Variants in ARHGAP20 observed in about 807,000 individuals in gnomAD.
The protein encoded by ARHGAP20 is Rho GTPase activating protein 20.
A neutral mutation model predicts 73.7 loss-of-function variants in ARHGAP20; 34 were observed. The observed-to-expected ratio is 0.46, with a 90% confidence interval of 0.35 to 0.61. The LOEUF (loss-of-function observed/expected upper bound fraction) is 0.61. ARHGAP20 is among the 20% of genes least tolerant of loss of function. The probability of loss-of-function intolerance (pLI) is 0.00; values close to 1 mark genes in which losing one functional copy is unlikely to be tolerated. For missense variants in ARHGAP20, 1,314 were observed against 1,420.9 expected (o/e 0.92, Z 1.21); for synonymous variants, 523 against 518.2 (o/e 1.01, Z -0.13).
chr11:110,635,547 T>A (rs1170086406), intron 2 of ARHGAP20, among the ~76,000 whole-genome samples: 1 of 152,118 alleles, frequency 6.6e-6, no homozygotes, highest in Non-Finnish European at 1.5e-5. Flanking sequence ...CTTTTGAGAG[T>A]TATTCCATCA....
At chr11:110,633,764 A>G (rs139889742) in intron 2 of ARHGAP20, among the ~76,000 whole-genome samples, 295 of 152,286 alleles carry the variant, frequency 1.9e-3, no homozygotes, top group African/African-American at 6.8e-3. Flanking sequence ...GGGAAAGCCT[A>G]TTGTGGCTGG....
rs75225935 is a variant in ARHGAP20, at chr11:110,675,105, A to G, written c.188+15442T>C. On this transcript the variant is annotated intron_variant, in intron 2 of 14. Transcript: ENST00000683387. ...CTTCACTGCTTCAGTTCAGATTTTTATTATCATTTGCTTCAGTGATGTTCA... is the reference window on the plus strand; with the variant it reads ...CTTCACTGCTTCAGTTCAGATTTTTGTTATCATTTGCTTCAGTGATGTTCA... Among the ~76,000 whole-genome samples, 486 of 152,190 alleles carry G rather than the reference A, an allele frequency of 3.2e-3. 5 individuals carry two copies. The highest frequency in any genetic ancestry group is 0.011 in the African/African-American group (471 of 41,496).
chr11:110,692,512 A>T (rs1441249314), intron 1 of ARHGAP20, among the ~76,000 whole-genome samples: 1 of 152,036 alleles, frequency 6.6e-6, no homozygotes, highest in African/African-American at 2.4e-5. Context: ...GACCTTGAGG[A>T]TCTGCCATTC....
chr11:110,624,339 T>G, intron 3 of ARHGAP20, 28 bp from the exon 4 acceptor site: 2 of 1,481,384 alleles, frequency 1.4e-6, no homozygotes, highest in South Asian at 2.7e-5. Flanking sequence ...AAACAGAACC[T>G]TTTGTTATTT....
At chr11:110,653,259 A>G (rs970170136) in intron 2 of ARHGAP20, among the ~76,000 whole-genome samples, 4 of 152,224 alleles carry the variant, frequency 2.6e-5, no homozygotes, top group African/African-American at 9.6e-5. Flanking sequence ...GCACAGCCAA[A>G]GAAACCATAA....
rs369921455 is a variant in ARHGAP20 at position 110,690,998 on chromosome 11, TC to T, written c.106-370del. Reference sequence around the variant, plus strand: ...TTATTTATTATAATCCAAAATGTCATCCGGGTAGATACTACTATCTTTATTT... The same window carrying T: ...TTATTTATTATAATCCAAAATGTCATCGGGTAGATACTACTATCTTTATTT... On this transcript the variant is annotated intron_variant, in intron 1 of 14. Transcript: ENST00000683387. 4.4e-4 allele frequency: 676 copies of T among 1,528,224 alleles called. 3 individuals carry two copies. The African/African-American group carries it at 7.1e-3, about 16-fold the overall frequency. 94.7% of individuals were successfully genotyped at this position (1,528,224 alleles called of 1,614,324 possible).
intron 11 of ARHGAP20, among the ~76,000 whole-genome samples, chr11:110,590,408 G>C (rs1947796718): frequency 6.6e-6 from 1 of 152,152 alleles, no homozygotes; most frequent in Admixed American, 6.5e-5. Context: ...GTAAAGATGA[G>C]ATTAGTGTAG....
intron 2 of ARHGAP20, among the ~76,000 whole-genome samples, chr11:110,680,589 T>G (rs1427972971): frequency 6.6e-6 from 1 of 152,112 alleles, no homozygotes; most frequent in African/African-American, 2.4e-5. Context: ...AAAGATACAA[T>G]TGAATCATAA....
At chr11:110,595,295 C>A (rs1196902967) in intron 9 of ARHGAP20, among the ~76,000 whole-genome samples, 2 of 152,202 alleles carry the variant, frequency 1.3e-5, no homozygotes, top group Admixed American at 6.5e-5. Flanking sequence ...CTGGCCAGGG[C>A]AATCAGGCAG....
intron 9 of ARHGAP20, among the ~76,000 whole-genome samples, chr11:110,602,168 C>T (rs945055170): frequency 1.3e-5 from 2 of 152,072 alleles, no homozygotes; most frequent in African/African-American, 4.8e-5. Context: ...ATTGCAGTGA[C>T]CCTGTTACAT....
intron 2 of ARHGAP20, among the ~76,000 whole-genome samples, chr11:110,651,972 C>T (rs185240128): frequency 8.5e-5 from 13 of 152,108 alleles, no homozygotes; most frequent in African/African-American, 2.4e-4. Flanking sequence ...TGATGAACAT[C>T]GATGCAAGAA....
intron 13 of ARHGAP20, among the ~76,000 whole-genome samples, 198 bp from the exon 14 acceptor site, chr11:110,582,633 AG>A (rs1222246997): frequency 6.6e-6 from 1 of 152,268 alleles, no homozygotes. Flanking sequence ...AAATGTAATC[AG>A]TGGACTAAAG....
At chr11:110,663,032 A>C (rs1308194601) in intron 2 of ARHGAP20, among the ~76,000 whole-genome samples, 1 of 151,990 alleles carries the variant, frequency 6.6e-6, no homozygotes, top group Non-Finnish European at 1.5e-5. Context: ...TACATCTCAG[A>C]ATTTGTGGAA....
In ARHGAP20 at chr11:110,591,953, T is replaced by C. The variant is rs745463360; in HGVS notation, c.1143+24A>G. ...TTTCCCAAACACCCTTTCCCATCAG[T>C]TTACAGACCAAAATGAGCCTTACCA... On this transcript the variant is annotated intron_variant, in intron 10 of 14. Coordinates refer to ENST00000683387, the MANE Select transcript of ARHGAP20 (RefSeq NM_001384657.1). 5.6e-6 allele frequency: 9 copies of C among 1,611,868 alleles called. No individual in the cohort carries two copies. In the East Asian group the frequency reaches 1.6e-4, roughly 28 times the overall value.
chr11:110,630,832 TC>T, intron 2 of ARHGAP20, 40 bp from the exon 3 acceptor site: 1 of 1,579,322 alleles, frequency 6.3e-7, no homozygotes, highest in South Asian at 1.2e-5. Flanking sequence ...CAAACGATCA[TC>T]TTATAGTTGG....
intron 1 of ARHGAP20, among the ~76,000 whole-genome samples, chr11:110,692,053 G>A (rs979752810): frequency 2.0e-5 from 3 of 151,962 alleles, no homozygotes; most frequent in Admixed American, 1.3e-4. Flanking sequence ...CAGAAAAGTC[G>A]AATCCTTTCC....
rs981952015 is a variant in ARHGAP20 at position 110,695,553 on chromosome 11, G to A, written c.106-4924C>T. On this transcript the variant is annotated intron_variant, in intron 1 of 14. Transcript: ENST00000683387. ...ATACAGTCTTCCAAAGAAGATATAC[G>A]AATTGCCAATAAGGATATGAGAAAA... is the stretch of plus-strand genomic sequence containing the variant. Among the ~76,000 whole-genome samples, 5 of 151,504 alleles carry A rather than the reference G, an allele frequency of 3.3e-5. No individual in the cohort carries two copies. The East Asian group carries it at 7.7e-4, about 23-fold the overall frequency.
chr11:110,579,934 G>A lies in ARHGAP20; in HGVS notation c.3012C>T (p.Pro1004=). The change falls in exon 15 of 15, where the codon CCC becomes CCT. Residue 1004 remains proline, a synonymous_variant. Coordinates refer to ENST00000683387, the MANE Select transcript of ARHGAP20 (RefSeq NM_001384657.1). ...GGCGGCTGCAAGCCTGCCCTGATGA[G>A]GGACCGGGCATTCCGGAAACATGGC... ...NASHVSGMPG[P]SSGQACSRPA... The A allele has an allele frequency of 6.2e-7, 1 of 1,614,238 alleles. No homozygotes were observed. Among genetic ancestry groups the A allele is most frequent in the African/African-American group, 1.3e-5 (1 of 75,064 alleles).
intron 2 of ARHGAP20, among the ~76,000 whole-genome samples, chr11:110,689,202 CAT>C (rs1565478922): frequency 2.6e-5 from 4 of 151,926 alleles, no homozygotes; most frequent in Admixed American, 2.6e-4. Flanking sequence ...GGGGTTTCAA[CAT>C]GTTAGCCAGG....
Sources: allele counts gnomAD v4.1 joint callset (sites outside exome capture counted in the v4.1 genomes callset), GRCh38; gene constraint gnomAD v4.1.1; transcripts MANE v1.5; gene names NCBI Gene and HGNC (gene_info 2026-07-23, HGNC 2026-07-21).